The following ZFPM2 variants were observed in gnomAD, a reference collection of about 807,000 sequenced individuals.
The protein encoded by ZFPM2 is zinc finger protein, FOG family member 2, also known as zinc finger protein ZFPM2.
Under a neutral mutation model 98.6 loss-of-function variants are expected in ZFPM2, and 20 were observed. The ratio of observed to expected loss-of-function variants is 0.20; its 90% CI spans 0.14 to 0.29. The LOEUF (loss-of-function observed/expected upper bound fraction) is 0.29. Among genes scored for constraint, ZFPM2 ranks in the 10% least tolerant of loss-of-function variants. The probability of loss-of-function intolerance (pLI) is 1.00; values close to 1 mark genes in which losing one functional copy is unlikely to be tolerated. For missense variants in ZFPM2, 1,310 were observed against 1,388.6 expected, an observed-to-expected ratio of 0.94 and a Z score of 0.90; for synonymous variants, 518 against 502.7, an observed-to-expected ratio of 1.03 and a Z score of -0.41.
intron 3 of ZFPM2, among the ~76,000 whole-genome samples, chr8:105,513,475 A>G (rs1220106663): frequency 6.6e-6 from 1 of 152,176 alleles, no homozygotes; most frequent in Non-Finnish European, 1.5e-5. Context: ...GTACATCATC[A>G]CGTCAGTAGT....
At chr8:105,759,122 C>G (rs1170478779) in intron 5 of ZFPM2, among the ~76,000 whole-genome samples, 2 of 152,112 alleles carry the variant, frequency 1.3e-5, no homozygotes, top group Non-Finnish European at 2.9e-5. Context: ...GCTCTAAAAC[C>G]TCACCTGGAC....
chr8:105,480,158 A>C (rs1586402901), intron 3 of ZFPM2, among the ~76,000 whole-genome samples: 1 of 152,160 alleles, frequency 6.6e-6, no homozygotes, highest in Non-Finnish European at 1.5e-5. Flanking sequence ...TGACTAATGG[A>C]AATTTTAAAT....
chr8:105,412,273 T>C (rs994698587), intron 1 of ZFPM2, among the ~76,000 whole-genome samples: 3 of 151,862 alleles, frequency 2.0e-5, no homozygotes, highest in African/African-American at 7.2e-5. Flanking sequence ...AATTCTCTAA[T>C]ATCTTTTTTT....
At chr8:105,385,191 C>T (rs1394845045) in intron 1 of ZFPM2, among the ~76,000 whole-genome samples, 2 of 152,204 alleles carry the variant, frequency 1.3e-5, no homozygotes, top group Non-Finnish European at 2.9e-5. Flanking sequence ...TTACATGCCT[C>T]ATGCATATTT....
intron 5 of ZFPM2, among the ~76,000 whole-genome samples, chr8:105,750,332 T>C (rs1465708594): frequency 5.3e-5 from 8 of 152,070 alleles, no homozygotes; most frequent in African/African-American, 1.7e-4. Context: ...GGGTGTGGTC[T>C]TAGTTAATTG....
chr8:105,525,200 T>A (rs1814148452), intron 3 of ZFPM2, among the ~76,000 whole-genome samples: 1 of 152,162 alleles, frequency 6.6e-6, no homozygotes. Flanking sequence ...TTGCATTTCT[T>A]TGGGAGCACA....
intron 3 of ZFPM2, among the ~76,000 whole-genome samples, chr8:105,506,241 A>T (rs1225281012): frequency 1.3e-5 from 2 of 152,298 alleles, no homozygotes; most frequent in East Asian, 3.9e-4. Context: ...GAAGGATTAT[A>T]CTCAACCTAC....
chr8:105,710,987 C>T (rs892736836), intron 5 of ZFPM2, among the ~76,000 whole-genome samples: 3 of 151,962 alleles, frequency 2.0e-5, no homozygotes, highest in African/African-American at 4.8e-5. Context: ...TCCTCTCAAC[C>T]AGCCAACTTA....
intron 3 of ZFPM2, among the ~76,000 whole-genome samples, chr8:105,544,712 T>C (rs1814655083): frequency 6.6e-6 from 1 of 152,210 alleles, no homozygotes; most frequent in Non-Finnish European, 1.5e-5. Context: ...AATCTTCAGC[T>C]GAGCAAAATT....
chr8:105,754,946 ATGTGTGTG>A (rs34267329), intron 5 of ZFPM2, among the ~76,000 whole-genome samples: 2,209 of 146,536 alleles, frequency 0.015, 38 homozygotes, highest in African/African-American at 0.044. Context: ...GAAATTTAAT[ATGTGTGTG>A]TGTGTGTGTG....
Position 105,318,828 on chromosome 8 carries a change from GCGGGCCGAGC to G in ZFPM2, c.-112_-103del. Reference sequence around the variant, plus strand: ...CGGAGCACCTGGAGTCCGGCCGGCGGCGGGCCGAGCCTGGCCAGCGGCGGCGGCGGCGGCG... The same window carrying G: ...CGGAGCACCTGGAGTCCGGCCGGCGGCTGGCCAGCGGCGGCGGCGGCGGCG... On this transcript the variant is annotated 5_prime_UTR_variant, in exon 1 of 8. Transcript: ENST00000407775. 1 of 557,668 alleles carries G rather than the reference GCGGGCCGAGC, an allele frequency of 1.8e-6. No homozygotes were observed. The highest frequency in any genetic ancestry group is 9.0e-4 in the Middle Eastern group (1 of 1,110). The allele number at this position is 557,668 out of a possible 1,614,324, so 34.5% of individuals were successfully genotyped here. A position where few individuals can be genotyped will look rare whatever the true frequency, so the allele number is the denominator to read the frequency against.
intron 5 of ZFPM2, among the ~76,000 whole-genome samples, chr8:105,738,871 AC>A (rs1168593024): frequency 6.6e-6 from 1 of 152,038 alleles, no homozygotes; most frequent in Non-Finnish European, 1.5e-5. Context: ...TAAAAAGTAA[AC>A]TAGATGCTAA....
At chr8:105,389,319 A>G (rs778163908) in intron 1 of ZFPM2, among the ~76,000 whole-genome samples, 2 of 152,128 alleles carry the variant, frequency 1.3e-5, no homozygotes, top group African/African-American at 2.4e-5. Context: ...AAAAGCATAT[A>G]TAATGAAAAG....
chr8:105,579,471 G>C (rs1259074402), intron 4 of ZFPM2, among the ~76,000 whole-genome samples: 1 of 152,102 alleles, frequency 6.6e-6, no homozygotes, highest in East Asian at 1.9e-4. Flanking sequence ...GGAGTTGAGA[G>C]GTGGAAGCAG....
chr8:105,336,826 T>C (rs1373368429), intron 1 of ZFPM2, among the ~76,000 whole-genome samples: 1 of 151,674 alleles, frequency 6.6e-6, no homozygotes, highest in African/African-American at 2.4e-5. Context: ...AACCAGTAAA[T>C]GTTTTTACAA....
At chr8:105,762,135 C>T (rs2131074037) in intron 5 of ZFPM2, among the ~76,000 whole-genome samples, 1 of 152,022 alleles carries the variant, frequency 6.6e-6, no homozygotes, top group South Asian at 2.1e-4. Flanking sequence ...TGCTCCTTCC[C>T]ATAAAGCATA....
chr8:105,441,434 AAGAG>A (rs35365518), intron 2 of ZFPM2, among the ~76,000 whole-genome samples: 19 of 95,028 alleles, frequency 2.0e-4, no homozygotes, highest in South Asian at 3.5e-4. Context: ...GAAAGAAAGA[AAGAG>A]AGAGAGAGAG....
intron 1 of ZFPM2, among the ~76,000 whole-genome samples, chr8:105,400,795 A>G (rs1221054734): frequency 1.3e-5 from 2 of 152,066 alleles, no homozygotes; most frequent in African/African-American, 4.8e-5. Flanking sequence ...ATTAATTAAA[A>G]TTAAACATAA....
At chr8:105,599,679 T>C (rs1348192056) in intron 4 of ZFPM2, among the ~76,000 whole-genome samples, 1 of 152,116 alleles carries the variant, frequency 6.6e-6, no homozygotes, top group Non-Finnish European at 1.5e-5. Flanking sequence ...CCATGGAGGC[T>C]ATTACCGGTT....
Sources: allele counts gnomAD v4.1 joint callset (sites outside exome capture counted in the v4.1 genomes callset), GRCh38; gene constraint gnomAD v4.1.1; transcripts MANE v1.5; gene names NCBI Gene and HGNC (gene_info 2026-07-23, HGNC 2026-07-21).